Variants in GRIK2 observed in about 807,000 individuals in gnomAD.
GRIK2 encodes the protein glutamate receptor ionotropic, kainate 2.
A neutral mutation model predicts 100.3 loss-of-function variants in GRIK2; 32 were observed. The observed-to-expected ratio is 0.32, with a 90% CI of 0.24 to 0.43. The LOEUF (loss-of-function observed/expected upper bound fraction) is 0.43, where lower values mean the gene tolerates loss of function less well. Among genes scored for constraint, GRIK2 ranks in the 20% least tolerant of loss-of-function variants. The pLI is 1.00. For missense variants in GRIK2, 843 were observed against 1,114.9 expected (o/e 0.76, Z 3.47); for synonymous variants, 417 against 389.4 (o/e 1.07, Z -0.83).
chr6:101,978,980 A>G (rs1165354021), intron 14 of GRIK2, among the ~76,000 whole-genome samples: 5 of 151,968 alleles, frequency 3.3e-5, no homozygotes, highest in African/African-American at 9.7e-5. Flanking sequence ...ATGAGCCACA[A>G]TACCCCACTT....
intron 2 of GRIK2, among the ~76,000 whole-genome samples, chr6:101,432,244 G>A: frequency 6.6e-6 from 1 of 152,118 alleles, no homozygotes. Context: ...CCACCCCTAG[G>A]AAGAGTTGCT....
intron 11 of GRIK2, among the ~76,000 whole-genome samples, chr6:101,884,998 CTT>C (rs1562463535): frequency 1.3e-5 from 2 of 152,024 alleles, no homozygotes; most frequent in Non-Finnish European, 2.9e-5. Context: ...GGGAGGGAAA[CTT>C]TACCATTCCC....
intron 2 of GRIK2, among the ~76,000 whole-genome samples, chr6:101,400,915 A>G (rs532658938): frequency 4.6e-5 from 7 of 152,346 alleles, no homozygotes; most frequent in African/African-American, 1.4e-4. Flanking sequence ...CTTAGCAACA[A>G]GCATCCACAG....
At chr6:101,795,309 A>G (rs1033921869) in intron 7 of GRIK2, among the ~76,000 whole-genome samples, 3 of 152,178 alleles carry the variant, frequency 2.0e-5, no homozygotes, top group Admixed American at 6.5e-5. Context: ...TTACAGCATC[A>G]GTGGTGTCTG....
chr6:102,041,340 C>G lies in GRIK2; in HGVS notation c.2311+5774C>G, dbSNP rs1434506467. On this transcript the variant is annotated intron_variant, in intron 15 of 16. Coordinates refer to ENST00000369134, the MANE Select transcript of GRIK2 (RefSeq NM_021956.5). ...ATTCATTTACTTATTAGTCCAAGAC[C>G]ATGGCTTCAAATTTTACTTTAGATC... 2.6e-5 allele frequency among the ~76,000 whole-genome samples: 4 copies of G among 151,606 alleles called. No individual in the cohort carries two copies. In the Admixed American group the frequency reaches 2.6e-4, roughly 10 times the overall value.
At chr6:101,630,072 T>A (rs1458826624) in intron 4 of GRIK2, among the ~76,000 whole-genome samples, 4 of 152,172 alleles carry the variant, frequency 2.6e-5, no homozygotes, top group Non-Finnish European at 5.9e-5. Context: ...TGCATAGTAT[T>A]CCATGGTGTA....
At chr6:101,740,115 G>C (rs1775926547) in intron 7 of GRIK2, among the ~76,000 whole-genome samples, 1 of 152,160 alleles carries the variant, frequency 6.6e-6, no homozygotes. Context: ...AGTTAAGTTG[G>C]AGTCTAAATT....
chr6:101,788,016 T>A (rs917193601), intron 7 of GRIK2, among the ~76,000 whole-genome samples: 2 of 152,086 alleles, frequency 1.3e-5, no homozygotes, highest in East Asian at 3.8e-4. Flanking sequence ...GTCCTCTTGC[T>A]GAATTGATCC....
intron 4 of GRIK2, among the ~76,000 whole-genome samples, chr6:101,645,341 A>G (rs1016340783): frequency 1.3e-5 from 2 of 151,816 alleles, no homozygotes; most frequent in Non-Finnish European, 2.9e-5. Flanking sequence ...TCTCTCTCTC[A>G]GGAGATTAGC....
chr6:102,041,442 C>G (rs1357941422), intron 15 of GRIK2, among the ~76,000 whole-genome samples: 1 of 151,534 alleles, frequency 6.6e-6, no homozygotes, highest in African/African-American at 2.4e-5. Context: ...AATGAGGAGT[C>G]ACTCTTATTA....
At chr6:101,779,063 CT>C (rs1778919675) in intron 7 of GRIK2, among the ~76,000 whole-genome samples, 1 of 151,796 alleles carries the variant, frequency 6.6e-6, no homozygotes, top group Non-Finnish European at 1.5e-5. Context: ...TTATTTGAAA[CT>C]TTTTAGAACA....
At chr6:101,926,302 G>T (rs959510751) in intron 13 of GRIK2, among the ~76,000 whole-genome samples, 1 of 150,626 alleles carries the variant, frequency 6.6e-6, no homozygotes, top group African/African-American at 2.4e-5. Context: ...CCGTCATATG[G>T]CACAAGGTTA....
intron 4 of GRIK2, among the ~76,000 whole-genome samples, chr6:101,645,747 A>T (rs1781496403): frequency 2.0e-5 from 3 of 151,882 alleles, no homozygotes; most frequent in Non-Finnish European, 4.4e-5. Context: ...AGCATTATGT[A>T]AAAAAGCTTG....
At chr6:101,608,525 A>G (rs933378290) in intron 2 of GRIK2, among the ~76,000 whole-genome samples, 1 of 151,862 alleles carries the variant, frequency 6.6e-6, no homozygotes, top group Non-Finnish European at 1.5e-5. Flanking sequence ...TGCTTGCTCA[A>G]AGATTATTCC....
At chr6:101,947,666 G>A (rs887895933) in intron 14 of GRIK2, among the ~76,000 whole-genome samples, 2 of 152,040 alleles carry the variant, frequency 1.3e-5, no homozygotes, top group African/African-American at 4.8e-5. Flanking sequence ...TATAATTTTG[G>A]ATAAAAATGT....
intron 7 of GRIK2, among the ~76,000 whole-genome samples, chr6:101,686,904 T>A (rs1268231299): frequency 6.6e-6 from 1 of 152,074 alleles, no homozygotes; most frequent in East Asian, 1.9e-4. Flanking sequence ...GGGTATATTC[T>A]TATATAACTT....
chr6:101,896,997 A>AAC (rs10588904), intron 12 of GRIK2, among the ~76,000 whole-genome samples: 4,743 of 147,762 alleles, frequency 0.032, 217 homozygotes, highest in African/African-American at 0.11. Context: ...CATTGTATTT[A>AAC]ACACACACAC....
intron 12 of GRIK2, among the ~76,000 whole-genome samples, chr6:101,894,684 C>T (rs926377633): frequency 7.3e-5 from 11 of 151,520 alleles, no homozygotes; most frequent in African/African-American, 2.7e-4. Flanking sequence ...TATTTTTCAC[C>T]TTGCTTCAAA....
chr6:101,639,591 A>AATACATGC (rs1781187428), intron 4 of GRIK2, among the ~76,000 whole-genome samples: 1 of 148,214 alleles, frequency 6.7e-6, no homozygotes, highest in African/African-American at 2.5e-5. Flanking sequence ...ACTCCATCTC[A>AATACATGC]ATACATGCAT....
Sources: allele counts gnomAD v4.1 joint callset (sites outside exome capture counted in the v4.1 genomes callset), GRCh38; gene constraint gnomAD v4.1.1; transcripts MANE v1.5; gene names NCBI Gene and HGNC (gene_info 2026-07-23, HGNC 2026-07-21).